SUDS3: variants seen among roughly 807,000 people sequenced by gnomAD.
SUDS3 encodes the protein sin3 histone deacetylase corepressor complex component SDS3.
SUDS3 carries 23 observed loss-of-function variants against 53.5 expected under a neutral mutation model. The observed-to-expected ratio is 0.43, with a 90% confidence interval of 0.31 to 0.61. SUDS3 has a LOEUF of 0.61. SUDS3 is among the 20% of genes least tolerant of loss of function. The pLI, the probability that SUDS3 is intolerant of heterozygous loss-of-function variation, is 0.10. For missense variants in SUDS3, 291 were observed against 405.9 expected, an observed-to-expected ratio of 0.72 and a Z score of 2.43; for synonymous variants, 150 against 148.5, an observed-to-expected ratio of 1.01 and a Z score of -0.08.
At chr12:118,379,665 G>T (rs760120856) in intron 1 of SUDS3, among the ~76,000 whole-genome samples, 19 of 152,228 alleles carry the variant, frequency 1.2e-4, no homozygotes, top group Admixed American at 5.2e-4. Context: ...CTGGAGCAGC[G>T]AGTAAGGCTT....
At position 118,417,839 on chromosome 12, in the gene SUDS3, A is replaced by G. The variant is rs1299161810; in HGVS notation, c.*3406A>G. ...TAGGGCAGAGGAAGGGATATTCTAG[A>G]CATTTAATTCTTAGTGAAGACTAAG... On this transcript the variant is annotated 3_prime_UTR_variant, in exon 12 of 12. Transcript: ENST00000543473. 1 of 152,120 alleles carries G rather than the reference A, an allele frequency of 6.6e-6. No individual in the cohort carries two copies. Among genetic ancestry groups the G allele is most frequent in the Non-Finnish European group, 1.5e-5 (1 of 68,018 alleles). 9.4% of individuals were successfully genotyped at this position (152,120 alleles called of 1,614,324 possible).
At position 118,401,457 on chromosome 12, in the gene SUDS3, C is replaced by T. The variant is rs533278426; in HGVS notation, c.614-302C>T. On this transcript the variant is annotated intron_variant, in intron 7 of 11. Coordinates refer to ENST00000543473, the MANE Select transcript of SUDS3 (RefSeq NM_022491.3). Reference sequence around the variant, plus strand: ...AGTCTTTAGATCTTTGGAACAAAAGCGCTTTATACATTCATGATGAAATTC... The same window carrying T: ...AGTCTTTAGATCTTTGGAACAAAAGTGCTTTATACATTCATGATGAAATTC... 3.3e-5 allele frequency among the ~76,000 whole-genome samples: 5 copies of T among 152,274 alleles called. No homozygotes were observed. In the East Asian group the frequency reaches 5.8e-4, roughly 18 times the overall value.
Position 118,383,975 on chromosome 12 carries a change from G to A in SUDS3, c.213-37G>A, listed in dbSNP as rs766528500. The A allele has an allele frequency of 8.2e-6, 13 of 1,583,054 alleles. No individual in the cohort carries two copies. The South Asian group carries it at 1.0e-4, about 12-fold the overall frequency. On this transcript the variant is annotated intron_variant, in intron 2 of 11. Transcript: ENST00000543473. Reference sequence around the variant, plus strand: ...GTTATTTTGGAATTGAGTATTGAATGTTTTTATCTGTTAGTGTGACTTTTT... The same window carrying A: ...GTTATTTTGGAATTGAGTATTGAATATTTTTATCTGTTAGTGTGACTTTTT...
At position 118,405,638 on chromosome 12, in the gene SUDS3, G is replaced by A. The variant is rs144730188; in HGVS notation, c.803+2121G>A. 4.2e-3 allele frequency among the ~76,000 whole-genome samples: 639 copies of A among 152,066 alleles called. 1 individual carries two copies. Among genetic ancestry groups the A allele is most frequent in the Non-Finnish European group, 6.9e-3 (469 of 67,958 alleles). On this transcript the variant is annotated intron_variant, in intron 10 of 11. Transcript: ENST00000543473. ...GAATGTTGTTTTTTTTCTCTATTCTGTATACTTTTCATTTTTGGCCTTGGC... is the reference window on the plus strand; with the variant it reads ...GAATGTTGTTTTTTTTCTCTATTCTATATACTTTTCATTTTTGGCCTTGGC...
At chr12:118,386,015 G>T (rs900705307) in intron 3 of SUDS3, 99 bp from the exon 4 acceptor site, 3 of 941,766 alleles carry the variant, frequency 3.2e-6, no homozygotes, top group African/African-American at 1.7e-5. Flanking sequence ...TGGTGTTACT[G>T]AAACAGTCAG....
At chr12:118,411,792 C>T (rs1237449352) in intron 11 of SUDS3, among the ~76,000 whole-genome samples, 1 of 152,108 alleles carries the variant, frequency 6.6e-6, no homozygotes, top group Non-Finnish European at 1.5e-5. Context: ...TGAGCCACCA[C>T]ACCTGGCCAA....
chr12:118,389,571 G>A (rs2046146637), intron 4 of SUDS3, among the ~76,000 whole-genome samples: 1 of 151,416 alleles, frequency 6.6e-6, no homozygotes, highest in Non-Finnish European at 1.5e-5. Context: ...TAGTACAGTG[G>A]CACAATCTCA....
intron 4 of SUDS3, among the ~76,000 whole-genome samples, chr12:118,388,665 G>A (rs1425073648): frequency 6.6e-6 from 1 of 152,054 alleles, no homozygotes; most frequent in Non-Finnish European, 1.5e-5. Context: ...AAAGGCCTCA[G>A]GAGGGGGCTG....
chr12:118,406,234 G>A (rs1343333088), intron 10 of SUDS3, among the ~76,000 whole-genome samples: 1 of 152,150 alleles, frequency 6.6e-6, no homozygotes, highest in East Asian at 1.9e-4. Flanking sequence ...ATCTGGGGCT[G>A]CCTGTGAGTC....
chr12:118,379,901 C>T (rs1285512245), intron 1 of SUDS3, among the ~76,000 whole-genome samples: 1 of 152,148 alleles, frequency 6.6e-6, no homozygotes, highest in Non-Finnish European at 1.5e-5. Flanking sequence ...CTATGGGGGA[C>T]TGGTTCCAGG....
intron 6 of SUDS3, among the ~76,000 whole-genome samples, chr12:118,391,954 A>G (rs760339008): frequency 1.2e-4 from 18 of 152,348 alleles, no homozygotes; most frequent in Non-Finnish European, 2.5e-4. Context: ...AGAATTTAGT[A>G]ATCCACATAT....
intron 4 of SUDS3, among the ~76,000 whole-genome samples, chr12:118,386,475 G>T (rs1302051517): frequency 6.6e-6 from 1 of 152,136 alleles, no homozygotes; most frequent in Non-Finnish European, 1.5e-5. Flanking sequence ...GCTCATTTCT[G>T]CATGGCTGGC....
chr12:118,393,677 TA>T (rs1413809386), intron 6 of SUDS3, among the ~76,000 whole-genome samples: 3 of 151,378 alleles, frequency 2.0e-5, no homozygotes, highest in Non-Finnish European at 2.9e-5. Flanking sequence ...TTTTTAAATT[TA>T]ATTTTTTTTT....
At chr12:118,407,779 C>T (rs555368990) in intron 10 of SUDS3, among the ~76,000 whole-genome samples, 5 of 149,214 alleles carry the variant, frequency 3.4e-5, no homozygotes, top group East Asian at 2.0e-4. Context: ...AGTGCAGTGG[C>T]GCAATCTTGG....
chr12:118,376,756 A>G lies in SUDS3; in HGVS notation c.65A>G (p.Tyr22Cys). 2 of 1,546,402 alleles carry G rather than the reference A, an allele frequency of 1.3e-6. No homozygotes were observed. Among genetic ancestry groups the G allele is most frequent in the Admixed American group, 1.9e-5 (1 of 51,948 alleles). The change falls in exon 1 of 12, where the codon TAC becomes TGC. Residue 22 changes from tyrosine (Y) to cysteine (C), a missense_variant. Tyr to Cys is a radical substitution (Grantham distance 194). Coordinates refer to ENST00000543473, the MANE Select transcript of SUDS3 (RefSeq NM_022491.3). ...GCTGGAGCGCCGCCGGCCCCCGAGT[A>G]CTACCCCGAGGAGGATGAAGAGCTG... Reference protein sequence around the residue: ...AQAGAPPAPEYYPEEDEELES... With the variant: ...AQAGAPPAPECYPEEDEELES...
chr12:118,410,152 G>A (rs2046345492), intron 10 of SUDS3, among the ~76,000 whole-genome samples: 1 of 152,216 alleles, frequency 6.6e-6, no homozygotes, highest in Non-Finnish European at 1.5e-5. Flanking sequence ...AGAACTTGTG[G>A]CCTTTCTCAC....
chr12:118,393,195 T>C (rs1315616462), intron 6 of SUDS3, among the ~76,000 whole-genome samples: 1 of 152,222 alleles, frequency 6.6e-6, no homozygotes, highest in African/African-American at 2.4e-5. Context: ...GATTAAAGGC[T>C]TGATTTCATT....
chr12:118,395,295 G>A lies in SUDS3; in HGVS notation c.517+4013G>A, dbSNP rs570790489. ...GGCTGGAGTGCAGTGGCGCGATCTCGGCTCACTGCAAGCTCCGCCTCCCGG... is the reference window on the plus strand; with the variant it reads ...GGCTGGAGTGCAGTGGCGCGATCTCAGCTCACTGCAAGCTCCGCCTCCCGG... On this transcript the variant is annotated intron_variant, in intron 6 of 11. Coordinates refer to ENST00000543473, the MANE Select transcript of SUDS3 (RefSeq NM_022491.3). 6.1e-5 allele frequency among the ~76,000 whole-genome samples: 9 copies of A among 147,152 alleles called. No homozygotes were observed. In the East Asian group the frequency reaches 1.8e-3, roughly 30 times the overall value.
intron 11 of SUDS3, among the ~76,000 whole-genome samples, chr12:118,414,094 C>G (rs2046380396): frequency 2.0e-5 from 3 of 152,162 alleles, no homozygotes. Flanking sequence ...TTCGTAATCA[C>G]AGGTGTGAGA....
Sources: allele counts gnomAD v4.1 joint callset (sites outside exome capture counted in the v4.1 genomes callset), GRCh38; gene constraint gnomAD v4.1.1; transcripts MANE v1.5; gene names NCBI Gene and HGNC (gene_info 2026-07-23, HGNC 2026-07-21).